The following SLCO1C1 variants were observed in gnomAD, a reference collection of about 807,000 sequenced individuals.
SLCO1C1 encodes OAT-RP-5.
SLCO1C1 carries 70 observed loss-of-function variants against 76.4 expected under a neutral mutation model. The observed-to-expected ratio is 0.92, with a 90% CI of 0.76 to 1.12. The LOEUF (loss-of-function observed/expected upper bound fraction) is 1.12, where lower values mean the gene tolerates loss of function less well. Among genes scored for constraint, SLCO1C1 ranks in the 50% most tolerant of loss-of-function variants. SLCO1C1 has a pLI of 0.00. For synonymous variants in SLCO1C1, 306 were observed against 286.1 expected (o/e 1.07, Z -0.70); for missense variants, 912 against 823.8 (o/e 1.11, Z -1.31).
intron 11 of SLCO1C1, among the ~76,000 whole-genome samples, 171 bp downstream of exon 11, chr12:20,737,443 G>T (rs573188606): frequency 6.6e-6 from 1 of 152,260 alleles, no homozygotes; most frequent in Non-Finnish European, 1.5e-5. Context: ...TGGTACTGGA[G>T]TTGCTGAAAA....
chr12:20,728,227 C>T (rs1186146797), intron 9 of SLCO1C1, among the ~76,000 whole-genome samples: 1 of 151,984 alleles, frequency 6.6e-6, no homozygotes, highest in Admixed American at 6.6e-5. Flanking sequence ...CATTCTTTTG[C>T]ATATGACTAG....
intron 1 of SLCO1C1, 86 bp from the exon 2 acceptor site, chr12:20,699,466 T>C (rs1946414853): frequency 9.1e-7 from 1 of 1,098,328 alleles, no homozygotes; most frequent in East Asian, 3.0e-5. Flanking sequence ...ATTGCGTCTA[T>C]AGAATTGTGG....
chr12:20,742,928 A>G (rs1477794829), intron 12 of SLCO1C1, among the ~76,000 whole-genome samples: 1 of 152,030 alleles, frequency 6.6e-6, no homozygotes, highest in Non-Finnish European at 1.5e-5. Flanking sequence ...TTTAGACAAA[A>G]AGCCATAAAA....
chr12:20,719,248 T>G (rs934087606), intron 7 of SLCO1C1, among the ~76,000 whole-genome samples: 7 of 152,032 alleles, frequency 4.6e-5, no homozygotes, highest in Non-Finnish European at 8.8e-5. Flanking sequence ...AAATGTTGCA[T>G]GTGTTCTGAC....
chr12:20,740,421 A>G, intron 12 of SLCO1C1, 53 bp downstream of exon 12: 1 of 1,483,288 alleles, frequency 6.7e-7, no homozygotes, highest in Non-Finnish European at 9.1e-7. Context: ...AATCATCTCG[A>G]GCAATGATTT....
chr12:20,727,940 T>C (rs1289765322), intron 9 of SLCO1C1, among the ~76,000 whole-genome samples: 1 of 152,234 alleles, frequency 6.6e-6, no homozygotes, highest in Non-Finnish European at 1.5e-5. Context: ...AAATGCATAG[T>C]TCGTGAATGT....
chr12:20,738,114 G>T (rs982254755), intron 11 of SLCO1C1, among the ~76,000 whole-genome samples: 6 of 151,814 alleles, frequency 4.0e-5, no homozygotes, highest in African/African-American at 1.2e-4. Context: ...ATTCATGAGG[G>T]CTACACCCTC....
At chr12:20,715,595 T>C (rs1232696654) in intron 6 of SLCO1C1, among the ~76,000 whole-genome samples, 4 of 152,196 alleles carry the variant, frequency 2.6e-5, no homozygotes, top group Non-Finnish European at 4.4e-5. Context: ...TTTTAGTGGG[T>C]TAACTGTACA....
intron 12 of SLCO1C1, 117 bp downstream of exon 12, chr12:20,740,485 C>T (rs1173374188): frequency 1.5e-5 from 13 of 882,308 alleles, no homozygotes; most frequent in African/African-American, 5.2e-5. Flanking sequence ...AGAAACTTGT[C>T]CCACATCCTT....
rs760790157 is a variant in SLCO1C1, at chr12:20,721,836, TG to T, written c.811del (p.Val271Ter). The T allele has an allele frequency of 6.2e-7, 1 of 1,614,152 alleles. No homozygotes were observed. The highest frequency in any genetic ancestry group is 1.7e-5 in the Admixed American group (1 of 60,020). On this transcript the variant is annotated frameshift_variant, in exon 8 of 15. Transcript: ENST00000266509. LOFTEE classifies it high-confidence loss of function. ...HITITPKDPQ[W>X]VGAWWLGYLI... ...AACCATTACCCCAAAAGATCCCCAG[TG>T]GGTAGGAGCCTGGTGGCTTGGCTAT...
chr12:20,733,119 T>C lies in SLCO1C1; in HGVS notation c.1382+15T>C. 2 of 1,532,048 alleles carry C rather than the reference T, an allele frequency of 1.3e-6. No individual in the cohort carries two copies. Among genetic ancestry groups the C allele is most frequent in the Non-Finnish European group, 1.7e-6 (2 of 1,144,716 alleles). The allele number at this position is 1,532,048 out of a possible 1,614,324, so 94.9% of individuals were successfully genotyped here. A position where few individuals can be genotyped will look rare whatever the true frequency, so the allele number is the denominator to read the frequency against. On this transcript the variant is annotated intron_variant, in intron 10 of 14. Transcript: ENST00000266509. ...TCCTACCAAGGGTATGTTCCCTCAT[T>C]AAATAGTTTGAGGATATTGGTTTGT...
At chr12:20,697,979 T>C (rs147719206) in intron 1 of SLCO1C1, among the ~76,000 whole-genome samples, 2 of 152,224 alleles carry the variant, frequency 1.3e-5, no homozygotes, top group East Asian at 1.9e-4. Context: ...CATCTATCCT[T>C]AGTATCTTTG....
intron 10 of SLCO1C1, among the ~76,000 whole-genome samples, chr12:20,736,747 T>C (rs974452): frequency 0.14 from 21,114 of 152,130 alleles, 1,484 homozygotes; most frequent in African/African-American, 0.18. Flanking sequence ...CTGTGATGCA[T>C]TGAAGTAGTG....
intron 8 of SLCO1C1, 92 bp from the exon 9 acceptor site, chr12:20,722,998 G>A: frequency 8.9e-7 from 1 of 1,127,650 alleles, no homozygotes; most frequent in Non-Finnish European, 1.3e-6. Context: ...TGTGACAATG[G>A]GCCCCAGCCC....
chr12:20,721,726 G>T (rs1947683546), intron 7 of SLCO1C1, 78 bp from the exon 8 acceptor site: 3 of 1,479,950 alleles, frequency 2.0e-6, no homozygotes, highest in African/African-American at 1.4e-5. Flanking sequence ...AGTTTTGCAA[G>T]AATTTATTTT....
chr12:20,713,914 G>A lies in SLCO1C1; in HGVS notation c.530-1225G>A, dbSNP rs1260111580. ...CCTACACTTCTCTACAAGAAGACTC[G>A]CCTACCAACAAGCTTCTTAAAATTA... On this transcript the variant is annotated intron_variant, in intron 5 of 14. Transcript: ENST00000266509. Among the ~76,000 whole-genome samples, 6 of 152,138 alleles carry A rather than the reference G, an allele frequency of 3.9e-5. No homozygotes were observed. In the South Asian group the frequency reaches 1.0e-3, roughly 26 times the overall value.
At chr12:20,699,857 G>T in intron 2 of SLCO1C1, 152 bp downstream of exon 2, 1 of 861,096 alleles carries the variant, frequency 1.2e-6, no homozygotes, top group Non-Finnish European at 1.6e-6. Context: ...TTGCCAGGCG[G>T]TGCAAGCAAT....
chr12:20,741,919 C>CAA (rs1316664791), intron 12 of SLCO1C1, among the ~76,000 whole-genome samples: 1 of 152,072 alleles, frequency 6.6e-6, no homozygotes, highest in Non-Finnish European at 1.5e-5. Flanking sequence ...TTCTTATATT[C>CAA]AAGGATAAAT....
At chr12:20,750,331 G>A (rs1306807786) in intron 13 of SLCO1C1, among the ~76,000 whole-genome samples, 1 of 152,176 alleles carries the variant, frequency 6.6e-6, no homozygotes, top group Non-Finnish European at 1.5e-5. Context: ...GATAGCCAGA[G>A]AGAGGAGAAA....
Sources: allele counts gnomAD v4.1 joint callset (sites outside exome capture counted in the v4.1 genomes callset), GRCh38; gene constraint gnomAD v4.1.1; transcripts MANE v1.5; gene names NCBI Gene and HGNC (gene_info 2026-07-23, HGNC 2026-07-21).